SYNE1: variants seen among roughly 807,000 people sequenced by gnomAD.
SYNE1 encodes spectrin repeat containing nuclear envelope protein 1.
Under a neutral mutation model 1,111.0 loss-of-function variants are expected in SYNE1, and 616 were observed. That is an observed-to-expected ratio of 0.55 (90% confidence interval 0.52 to 0.59). The LOEUF (loss-of-function observed/expected upper bound fraction) is 0.59. Among genes scored for constraint, SYNE1 ranks in the 20% least tolerant of loss-of-function variants. The pLI, the probability that SYNE1 is intolerant of heterozygous loss-of-function variation, is 0.00. For missense variants in SYNE1, 10,006 were observed against 10,417.0 expected (o/e 0.96, Z 1.72); for synonymous variants, 3,855 against 3,825.8 (o/e 1.01, Z -0.28).
intron 127 of SYNE1, among the ~76,000 whole-genome samples, chr6:152,193,484 A>C (rs550362916): frequency 3.2e-4 from 49 of 152,082 alleles, no homozygotes; most frequent in African/African-American, 1.2e-3. Flanking sequence ...CACCTGGTTA[A>C]TTTTTATAAT....
Position 152,262,110 on chromosome 6 carries a change from T to C in SYNE1, c.18894A>G (p.Lys6298=). 1 of 1,613,930 alleles carries C rather than the reference T, an allele frequency of 6.2e-7. No homozygotes were observed. The highest frequency in any genetic ancestry group is 8.5e-7 in the Non-Finnish European group (1 of 1,179,928). ...KSSAEDQMRM[K]WESLHQEFST... is the part of the protein sequence containing the mutation. ...TAAATTCTTGATGTAGGCTTTCCCATTTCATTCTCATCTGGTCTTCAGCGG... is the reference window on the plus strand; with the variant it reads ...TAAATTCTTGATGTAGGCTTTCCCACTTCATTCTCATCTGGTCTTCAGCGG... The change falls in exon 101 of 146, where the codon AAA becomes AAG. Residue 6298 remains lysine, a synonymous_variant. Coordinates refer to ENST00000367255, the MANE Select transcript of SYNE1 (RefSeq NM_182961.4).
At chr6:152,173,263 A>T (rs556349271) in intron 130 of SYNE1, among the ~76,000 whole-genome samples, 1 of 152,352 alleles carries the variant, frequency 6.6e-6, no homozygotes, top group East Asian at 1.9e-4. Context: ...ATTTGTTATC[A>T]GTAAATCTTT....
intron 59 of SYNE1, among the ~76,000 whole-genome samples, chr6:152,371,273 G>GTTGCTC (rs2097175249): frequency 6.6e-6 from 1 of 151,680 alleles, no homozygotes; most frequent in African/African-American, 2.4e-5. Context: ...CCATGTTGCT[G>GTTGCTC]TTCTCATGAT....
Position 152,294,000 on chromosome 6 carries a change from A to G in SYNE1, c.17810T>C (p.Leu5937Pro), listed in dbSNP as rs1341793017. The G allele has an allele frequency of 6.2e-7, 1 of 1,614,006 alleles. No homozygotes were observed. Residue 5937 changes from leucine (L) to proline (P), a missense_variant, in exon 94 of 146, where the codon CTG becomes CCG. Leu to Pro is a moderately conservative substitution (Grantham distance 98). Coordinates refer to ENST00000367255, the MANE Select transcript of SYNE1 (RefSeq NM_182961.4). ...PGLEPSATAK[L>P]GDLQRSWETL... ...TTCCCAAGAACGCTGCAAATCACCC[A>G]GTTTGGCAGTAGCGGATGGCTCCAA...
At chr6:152,539,073 T>A (rs1324059298) in intron 4 of SYNE1, among the ~76,000 whole-genome samples, 1 of 152,122 alleles carries the variant, frequency 6.6e-6, no homozygotes, top group African/African-American at 2.4e-5. Context: ...AACCTGCTTG[T>A]AGGGTTGGGC....
chr6:152,399,618 C>T lies in SYNE1; in HGVS notation c.7235G>A (p.Ser2412Asn). 2 of 1,614,110 alleles carry T rather than the reference C, an allele frequency of 1.2e-6. No individual in the cohort carries two copies. Among genetic ancestry groups the T allele is most frequent in the Non-Finnish European group, 1.7e-6 (2 of 1,179,988 alleles). The change falls in exon 48 of 146, where the codon AGT (serine) becomes AAT (asparagine). Residue 2412 changes from serine (S) to asparagine (N), a missense_variant and splice_region_variant. This residue lies in a region of SYNE1 where 4,955 missense variants were observed against 5,017.2 expected (regional missense o/e 0.99). Coordinates refer to ENST00000367255, the MANE Select transcript of SYNE1 (RefSeq NM_182961.4). ...TGCTAAGGCCCCTCAGAACTCACCA[C>T]TGAAGTGTTTTTCCAGAGATTCCTG... is the stretch of plus-strand genomic sequence containing the variant. ...SLQESLEKHF[S>N]ESMQEFQEWF...
chr6:152,286,139 A>G (rs1259883833), intron 95 of SYNE1, among the ~76,000 whole-genome samples: 1 of 152,214 alleles, frequency 6.6e-6, no homozygotes, highest in Admixed American at 6.5e-5. Flanking sequence ...CATCATGACA[A>G]TTAATTTTTA....
chr6:152,395,777 T>C (rs890245212), intron 50 of SYNE1, 106 bp from the exon 51 acceptor site: 24 of 1,205,564 alleles, frequency 2.0e-5, no homozygotes, highest in South Asian at 6.3e-5. Flanking sequence ...TAAGACCTCA[T>C]GAATGTTCAA....
chr6:152,126,186 T>C (rs2747655), intron 145 of SYNE1: 125,050 of 152,120 alleles, frequency 0.82, 51,835 homozygotes, highest in African/African-American at 0.92. Context: ...ATTCAGTGAC[T>C]GTCCGTGCAG....
At position 152,628,270 on chromosome 6, in the gene SYNE1, A is replaced by C. The variant is rs2099690242; in HGVS notation, c.62T>G (p.Leu21Arg). 1 of 1,614,016 alleles carries C rather than the reference A, an allele frequency of 6.2e-7. No homozygotes were observed. The highest frequency in any genetic ancestry group is 8.5e-7 in the Non-Finnish European group (1 of 1,180,030). The stretch of plus-strand genomic sequence containing the variant: ...CTGAAATTTCTTCCCCCTACCTTGC[A>C]GCCTCTGCATCACATTGGCGATATC... Reference protein sequence around the residue: ...PRDIANVMQRLQDEQEIVQKR... With the variant: ...PRDIANVMQRRQDEQEIVQKR... The change falls in exon 3 of 146, where the codon CTG (leucine) becomes CGG (arginine). Residue 21 changes from leucine (L) to arginine (R), a missense_variant. By Grantham distance (102) the Leu-to-Arg change is moderately radical. Transcript: ENST00000367255.
chr6:152,151,717 A>G (rs764669953), intron 134 of SYNE1, 27 bp from the exon 135 acceptor site: 8 of 1,609,082 alleles, frequency 5.0e-6, no homozygotes, highest in Non-Finnish European at 6.8e-6. Flanking sequence ...AAGTAGTAAC[A>G]ATTATTTTTA....
intron 33 of SYNE1, 129 bp from the exon 34 acceptor site, chr6:152,434,074 A>C: frequency 1.2e-6 from 1 of 862,008 alleles, no homozygotes; most frequent in Non-Finnish European, 1.8e-6. Context: ...GAAACTATTC[A>C]CGCTAAAAAA....
At chr6:152,291,520 T>C (rs1214879766) in intron 95 of SYNE1, among the ~76,000 whole-genome samples, 1 of 152,180 alleles carries the variant, frequency 6.6e-6, no homozygotes, top group Non-Finnish European at 1.5e-5. Context: ...TTAAATCCCT[T>C]GAACAGAATC....
intron 128 of SYNE1, among the ~76,000 whole-genome samples, chr6:152,188,753 T>C (rs1178393933): frequency 6.6e-6 from 1 of 151,456 alleles, no homozygotes; most frequent in African/African-American, 2.4e-5. Flanking sequence ...GGTCAGGAGA[T>C]CGAGACCATC....
chr6:152,187,150 T>C (rs1486527269), intron 128 of SYNE1, among the ~76,000 whole-genome samples: 2 of 152,178 alleles, frequency 1.3e-5, no homozygotes, highest in African/African-American at 4.8e-5. Flanking sequence ...CATTAACATG[T>C]TGGTAAAAGC....
At chr6:152,189,223 G>C (rs2071472738) in intron 128 of SYNE1, 29 bp downstream of exon 128, 1 of 1,611,666 alleles carries the variant, frequency 6.2e-7, no homozygotes, top group African/African-American at 1.3e-5. Flanking sequence ...CCATCATCAA[G>C]ATAATTCCAT....
intron 81 of SYNE1, among the ~76,000 whole-genome samples, chr6:152,324,820 T>C (rs562627788): frequency 6.6e-6 from 1 of 152,088 alleles, no homozygotes; most frequent in Non-Finnish European, 1.5e-5. Flanking sequence ...AGAAAGCAAA[T>C]GGGGCAAAAT....
intron 100 of SYNE1, among the ~76,000 whole-genome samples, chr6:152,267,658 G>A (rs1253997130): frequency 3.3e-5 from 5 of 151,998 alleles, no homozygotes; most frequent in African/African-American, 4.8e-5. Context: ...AATATTTAAC[G>A]GGCCCCTGCA....
Position 152,451,042 on chromosome 6 carries a change from C to T in SYNE1, c.3186+5G>A, listed in dbSNP as rs778578295. 6 of 1,613,996 alleles carry T rather than the reference C, an allele frequency of 3.7e-6. No homozygotes were observed. The highest frequency in any genetic ancestry group is 2.2e-5 in the South Asian group (2 of 91,082). Reference sequence around the variant, plus strand: ...GCTATCCACATTGTGGTGTGGGAGACGTACCCTGTGCTCTTTAATTATCTT... The same window carrying T: ...GCTATCCACATTGTGGTGTGGGAGATGTACCCTGTGCTCTTTAATTATCTT... On this transcript the variant is annotated splice_donor_5th_base_variant and intron_variant, in intron 26 of 145. Transcript: ENST00000367255.
Sources: gnomAD v4.1 joint callset for allele counts (sites outside exome capture counted in the v4.1 genomes callset) on GRCh38, gnomAD v4.1.1 for gene constraint, gnomAD v4.1.1 regional missense constraint, MANE v1.5 for transcripts, NCBI Gene and HGNC (gene_info 2026-07-23, HGNC 2026-07-21) for gene names.